The following DMD variants were observed in gnomAD, a reference collection of about 807,000 sequenced individuals.
The protein encoded by DMD is mutant dystrophin.
DMD carries 63 observed loss-of-function variants against 330.1 expected under a neutral mutation model. That is an observed-to-expected ratio of 0.19 (90% CI 0.16 to 0.24). DMD has a LOEUF of 0.24. Ranked by LOEUF, DMD falls within the 10% of genes least tolerant of loss-of-function variation. The pLI is 1.00. For synonymous variants in DMD, 1,223 were observed against 959.8 expected (o/e 1.27, Z -5.07); for missense variants, 3,344 against 2,684.1 (o/e 1.25, Z -5.43).
At chrX:32,740,177 T>C (rs765355044) in intron 7 of DMD, among the ~76,000 whole-genome samples, 2 of 110,137 alleles carry the variant, frequency 1.8e-5, no homozygotes, top group African/African-American at 3.3e-5. Context: ...GAGATGACCC[T>C]TCTCTCAGCC....
chrX:31,427,169 C>T (rs2063765211), intron 60 of DMD, among the ~76,000 whole-genome samples: 1 of 111,784 alleles, frequency 8.9e-6, no homozygotes, highest in African/African-American at 3.2e-5. Context: ...CTGCCTTCCC[C>T]ACCATATACC....
At chrX:32,763,744 T>C (rs1230363429) in intron 7 of DMD, among the ~76,000 whole-genome samples, 4 of 111,666 alleles carry the variant, frequency 3.6e-5, no homozygotes, top group Non-Finnish European at 7.5e-5. Context: ...AAATTCCAAT[T>C]AACATAGAAA....
At chrX:31,983,437 T>C (rs2095489966) in intron 44 of DMD, among the ~76,000 whole-genome samples, 1 of 111,898 alleles carries the variant, frequency 8.9e-6, no homozygotes, top group African/African-American at 3.2e-5. Context: ...AATTTTCTCC[T>C]TTAAGCAGTT....
intron 1 of DMD, among the ~76,000 whole-genome samples, chrX:33,244,755 T>C (rs2052639812): frequency 9.0e-6 from 1 of 111,665 alleles, no homozygotes; most frequent in Admixed American, 9.5e-5. Context: ...GCTTCCCAAA[T>C]GCCATAGAAA....
In DMD at chrX:32,544,413, G is replaced by A. The variant is rs896996293; in HGVS notation, c.2168+746C>T. Among the ~76,000 whole-genome samples the A allele has an allele frequency of 2.7e-5, 3 of 111,253 alleles. No homozygotes were observed. The South Asian group carries it at 1.1e-3, about 42-fold the overall frequency. On this transcript the variant is annotated intron_variant, in intron 17 of 78. Coordinates refer to ENST00000357033, the MANE Select transcript of DMD (RefSeq NM_004006.3). ...AAACATATGCTGCTTAAAAACATAC[G>A]GCAGATTTTAACGTTCTTTCTTAAT...
chrX:32,561,075 G>A (rs1449513565), intron 16 of DMD, among the ~76,000 whole-genome samples: 1 of 111,418 alleles, frequency 9.0e-6, no homozygotes, highest in Non-Finnish European at 1.9e-5. Flanking sequence ...CCATTTCTCT[G>A]AAACCATGCC....
At chrX:31,478,585 T>G (rs2068004629) in intron 58 of DMD, among the ~76,000 whole-genome samples, 1 of 111,734 alleles carries the variant, frequency 8.9e-6, no homozygotes, top group Non-Finnish European at 1.9e-5. Flanking sequence ...ATCCGACAAT[T>G]TAAGATTCAC....
At chrX:32,647,342 G>GT (rs1161080476) in intron 9 of DMD, among the ~76,000 whole-genome samples, 1 of 111,588 alleles carries the variant, frequency 9.0e-6, no homozygotes, top group East Asian at 2.8e-4. Flanking sequence ...TGAGCTCACA[G>GT]TAAGTTTAGT....
chrX:32,312,629 T>C (rs900882371), intron 41 of DMD, among the ~76,000 whole-genome samples: 1 of 109,677 alleles, frequency 9.1e-6, no homozygotes, highest in East Asian at 2.9e-4. Context: ...TGCCAATGAA[T>C]CCAGGAGCTG....
intron 44 of DMD, among the ~76,000 whole-genome samples, chrX:32,111,320 C>T (rs1234418381): frequency 8.9e-6 from 1 of 112,028 alleles, no homozygotes; most frequent in African/African-American, 3.2e-5. Flanking sequence ...AGAAATAGGC[C>T]TGTTTCTTTA....
intron 43 of DMD, among the ~76,000 whole-genome samples, chrX:32,280,088 T>C (rs2097411573): frequency 1.9e-5 from 2 of 102,595 alleles, no homozygotes; most frequent in Admixed American, 2.2e-4. Context: ...AATCTATTTA[T>C]ATATAGTATA....
At chrX:32,606,058 T>C (rs760986101) in intron 12 of DMD, among the ~76,000 whole-genome samples, 12 of 110,528 alleles carry the variant, frequency 1.1e-4, no homozygotes, top group Non-Finnish European at 1.7e-4. Flanking sequence ...CTTTCACAGT[T>C]ATTGTAAAAT....
intron 1 of DMD, among the ~76,000 whole-genome samples, chrX:33,235,711 A>C (rs1400432123): frequency 9.1e-6 from 1 of 109,851 alleles, no homozygotes; most frequent in East Asian, 2.9e-4. Flanking sequence ...CAGCTAGTCA[A>C]TGGTAGATTT....
At chrX:31,644,242 C>T (rs2079948648) in intron 54 of DMD, among the ~76,000 whole-genome samples, 1 of 111,681 alleles carries the variant, frequency 9.0e-6, no homozygotes. Context: ...AAAAGACTTA[C>T]TAGAACTATT....
intron 74 of DMD, among the ~76,000 whole-genome samples, chrX:31,155,380 T>A (rs1569364412): frequency 8.9e-6 from 1 of 112,688 alleles, no homozygotes; most frequent in South Asian, 3.6e-4. Flanking sequence ...AATGTTTTCT[T>A]AACAGTATCA....
intron 52 of DMD, among the ~76,000 whole-genome samples, chrX:31,714,710 GT>G (rs2148929216): frequency 9.0e-6 from 1 of 111,620 alleles, no homozygotes; most frequent in Admixed American, 9.5e-5. Flanking sequence ...CATATAGCTT[GT>G]TGACGTATAT....
At chrX:31,613,907 G>A (rs1292553405) in intron 55 of DMD, among the ~76,000 whole-genome samples, 1 of 111,677 alleles carries the variant, frequency 9.0e-6, no homozygotes, top group South Asian at 3.7e-4. Flanking sequence ...TTTCCACTAC[G>A]GGTATATATT....
chrX:31,611,437 A>G (rs2077911775), intron 55 of DMD, among the ~76,000 whole-genome samples: 1 of 111,473 alleles, frequency 9.0e-6, no homozygotes, highest in Admixed American at 9.6e-5. Context: ...TGCACTCTCT[A>G]AATACCTTAA....
chrX:32,580,177 T>C (rs1484057874), intron 13 of DMD, among the ~76,000 whole-genome samples: 3 of 111,171 alleles, frequency 2.7e-5, no homozygotes, highest in African/African-American at 9.8e-5. Context: ...CTTGGTAGCT[T>C]GAGGTTTCCT....
Sources: allele counts gnomAD v4.1 joint callset (sites outside exome capture counted in the v4.1 genomes callset), GRCh38; gene constraint gnomAD v4.1.1; transcripts MANE v1.5; gene names NCBI Gene and HGNC (gene_info 2026-07-23, HGNC 2026-07-21).